Variants in VEZF1 observed in about 807,000 individuals in gnomAD.
The protein encoded by VEZF1 is putative transcription factor DB1.
Under a neutral mutation model 44.1 loss-of-function variants are expected in VEZF1, and 5 were observed. That is an observed-to-expected ratio of 0.11 (90% CI 0.06 to 0.24). VEZF1 has a LOEUF of 0.24. VEZF1 is among the 10% of genes least tolerant of loss of function. The probability of loss-of-function intolerance (pLI) is 1.00; values close to 1 mark genes in which losing one functional copy is unlikely to be tolerated. For missense variants in VEZF1, 358 were observed against 641.8 expected (o/e 0.56, Z 4.78); for synonymous variants, 236 against 233.1 (o/e 1.01, Z -0.11).
intron 1 of VEZF1, among the ~76,000 whole-genome samples, chr17:57,987,608 G>A (rs562972547): frequency 2.8e-4 from 43 of 152,140 alleles, no homozygotes; most frequent in Non-Finnish European, 3.8e-4. Context: ...AAGAGAACAA[G>A]CGAAAGATGG....
intron 2 of VEZF1, among the ~76,000 whole-genome samples, chr17:57,982,467 C>A (rs1031894073): frequency 1.3e-5 from 2 of 152,022 alleles, no homozygotes; most frequent in East Asian, 3.8e-4. Flanking sequence ...CTGAGTCCAC[C>A]GAGGCACTTG....
Position 57,972,086 on chromosome 17 carries a change from T to C in VEZF1, c.*2387A>G, listed in dbSNP as rs889186170. ...GCTTCTTAAGTGAATAAAGAATGCA[T>C]ACAAAATAGTATTTTAACTGAAGTC... On this transcript the variant is annotated 3_prime_UTR_variant, in exon 6 of 6. Transcript: ENST00000581208. 1.3e-5 allele frequency: 2 copies of C among 152,632 alleles called. No individual in the cohort carries two copies. Among genetic ancestry groups the C allele is most frequent in the African/African-American group, 4.8e-5 (2 of 41,436 alleles). The allele number at this position is 152,632 out of a possible 1,614,324, so 9.5% of individuals were successfully genotyped here. A position where few individuals can be genotyped will look rare whatever the true frequency, so the allele number is the denominator to read the frequency against.
At chr17:57,985,506 T>C in intron 1 of VEZF1, 1 of 911,990 alleles carries the variant, frequency 1.1e-6, no homozygotes, top group Non-Finnish European at 1.3e-6. Flanking sequence ...ACGGCCAGCC[T>C]TCAGTTAAGT....
intron 3 of VEZF1, 149 bp from the exon 4 acceptor site, chr17:57,980,935 C>A: frequency 1.4e-6 from 1 of 730,756 alleles, no homozygotes; most frequent in Non-Finnish European, 2.2e-6. Context: ...GAATCATAAT[C>A]ATAATAAAAC....
chr17:57,984,716 T>A (rs1002407086), intron 1 of VEZF1, among the ~76,000 whole-genome samples: 3 of 152,128 alleles, frequency 2.0e-5, no homozygotes, highest in Non-Finnish European at 4.4e-5. Context: ...CTCTGATGGG[T>A]AAGAACATCT....
chr17:57,977,209 T>C (rs2075200552), intron 5 of VEZF1, among the ~76,000 whole-genome samples: 1 of 152,142 alleles, frequency 6.6e-6, no homozygotes, highest in Admixed American at 6.5e-5. Flanking sequence ...CTCAAACTCC[T>C]GGGTTCAAGT....
At chr17:57,975,073 C>A (rs1264242505) in intron 5 of VEZF1, among the ~76,000 whole-genome samples, 173 bp from the exon 6 acceptor site, 1 of 152,182 alleles carries the variant, frequency 6.6e-6, no homozygotes. Context: ...AGCCTGGGGG[C>A]CAGGGATCCC....
intron 5 of VEZF1, among the ~76,000 whole-genome samples, chr17:57,976,361 T>C (rs2075191062): frequency 6.6e-6 from 1 of 152,000 alleles, no homozygotes; most frequent in Admixed American, 6.6e-5. Context: ...GATTCCCAAA[T>C]CTGGCTGATT....
rs1174743405 is a variant in VEZF1 at position 57,988,150 on chromosome 17, G to T, written c.-39C>A. On this transcript the variant is annotated 5_prime_UTR_variant, in exon 1 of 6. Transcript: ENST00000581208. ...GACCCCCCTCCTCCCCACTCCCCCC[G>T]CTCGGGGAGCCTCCTCAGCCGGAGG... 4 of 647,696 alleles carry T rather than the reference G, an allele frequency of 6.2e-6. No individual in the cohort carries two copies. Among genetic ancestry groups the T allele is most frequent in the Non-Finnish European group, 8.2e-6 (4 of 490,240 alleles). 40.1% of individuals were successfully genotyped at this position (647,696 alleles called of 1,614,324 possible). A position where few individuals can be genotyped will look rare whatever the true frequency, so the allele number is the denominator to read the frequency against.
intron 5 of VEZF1, among the ~76,000 whole-genome samples, chr17:57,975,124 A>T (rs2075177416): frequency 6.6e-6 from 1 of 152,204 alleles, no homozygotes; most frequent in African/African-American, 2.4e-5. Flanking sequence ...TCCTGCAAGG[A>T]CTTAAGCAAC....
chr17:57,983,610 G>A (rs1309697414), intron 1 of VEZF1, among the ~76,000 whole-genome samples: 1 of 152,220 alleles, frequency 6.6e-6, no homozygotes, highest in East Asian at 1.9e-4. Flanking sequence ...CTAAGTTGCT[G>A]ACAGTGATCT....
At position 57,973,290 on chromosome 17, in the gene VEZF1, T is replaced by C. The variant is rs573894683; in HGVS notation, c.*1183A>G. On this transcript the variant is annotated 3_prime_UTR_variant, in exon 6 of 6. Transcript: ENST00000581208. ...TGTCTCCCTGAAAACACCACAAAGC[T>C]GATACAAGTGTTTTCTCAAAGAAAA... 3.9e-4 allele frequency: 59 copies of C among 152,228 alleles called. No individual in the cohort carries two copies. The highest frequency in any genetic ancestry group is 1.3e-3 in the African/African-American group (54 of 41,476). The allele number at this position is 152,228 out of a possible 1,614,324, so 9.4% of individuals were successfully genotyped here. A position where few individuals can be genotyped will look rare whatever the true frequency, so the allele number is the denominator to read the frequency against.
In VEZF1 at chr17:57,973,118, C is replaced by T. The variant is rs539092320; in HGVS notation, c.*1355G>A. ...TTAACGCAATGCTTTAAAAACAATG[C>T]GTGGCATGATGGTGTAAAGAGTATC... On this transcript the variant is annotated 3_prime_UTR_variant, in exon 6 of 6. Coordinates refer to ENST00000581208, the MANE Select transcript of VEZF1 (RefSeq NM_007146.3). The T allele has an allele frequency of 3.3e-5, 5 of 152,104 alleles. No homozygotes were observed. The highest frequency in any genetic ancestry group is 7.4e-5 in the Non-Finnish European group (5 of 68,014). The allele number at this position is 152,104 out of a possible 1,614,324, so 9.4% of individuals were successfully genotyped here. A position where few individuals can be genotyped will look rare whatever the true frequency, so the allele number is the denominator to read the frequency against.
chr17:57,979,240 TTGTTGC>T lies in VEZF1; in HGVS notation c.1044_1049del (p.Gln353_Gln354del), dbSNP rs1372931112. ...AGCTTGTCACATGTTGTTGTTGTTG[TTGTTGC>T]TGCTGCTGCTGCTGCTGCTGCTGCT... On this transcript the variant is annotated inframe_deletion, in exon 5 of 6. Transcript: ENST00000581208. 5.0e-6 allele frequency: 8 copies of T among 1,598,886 alleles called. No individual in the cohort carries two copies. Among genetic ancestry groups the T allele is most frequent in the Non-Finnish European group, 6.9e-6 (8 of 1,167,294 alleles).
At chr17:57,980,473 G>A in intron 4 of VEZF1, 130 bp downstream of exon 4, 4 of 817,394 alleles carry the variant, frequency 4.9e-6, no homozygotes, top group Non-Finnish European at 7.9e-6. Flanking sequence ...GTCCATTGTT[G>A]CCTGTTTGCA....
At chr17:57,986,345 T>C (rs929181936) in intron 1 of VEZF1, among the ~76,000 whole-genome samples, 1 of 152,144 alleles carries the variant, frequency 6.6e-6, no homozygotes, top group African/African-American at 2.4e-5. Flanking sequence ...CCATGCTTAA[T>C]ATGGTTTTTA....
At chr17:57,985,055 C>T (rs962112157) in intron 1 of VEZF1, among the ~76,000 whole-genome samples, 1 of 152,168 alleles carries the variant, frequency 6.6e-6, no homozygotes, top group Non-Finnish European at 1.5e-5. Flanking sequence ...CTTTTCCAAC[C>T]TGGCTGTAGG....
Position 57,974,603 on chromosome 17 carries a change from G to T in VEZF1, c.1436C>A (p.Pro479His). ...ATTCATTGGAGATGTGATGGTGACA[G>T]GGTGTGCTATATTCACTGGGGCAGT... ...PVTAPVNIAH[P>H]VTITSPMNLP... The change falls in exon 6 of 6, where the codon CCT (proline) becomes CAT (histidine). Residue 479 changes from proline (P) to histidine (H), a missense_variant. Physicochemically the swap from Pro to His is moderately conservative, Grantham distance 77. Transcript: ENST00000581208. 6.2e-7 allele frequency: 1 copy of T among 1,614,182 alleles called. No individual in the cohort carries two copies.
chr17:57,977,017 C>T (rs1461353025), intron 5 of VEZF1, among the ~76,000 whole-genome samples: 1 of 152,034 alleles, frequency 6.6e-6, no homozygotes, highest in Non-Finnish European at 1.5e-5. Context: ...AGTAAAATAC[C>T]CTTCATAATA....
Sources: allele counts gnomAD v4.1 joint callset (sites outside exome capture counted in the v4.1 genomes callset), GRCh38; gene constraint gnomAD v4.1.1; transcripts MANE v1.5; gene names NCBI Gene and HGNC (gene_info 2026-07-23, HGNC 2026-07-21).